The following NRXN1 variants were observed in gnomAD, a reference collection of about 807,000 sequenced individuals.
NRXN1 encodes neurexin-1.
NRXN1 carries 39 observed loss-of-function variants against 150.9 expected under a neutral mutation model. The observed-to-expected ratio is 0.26, with a 90% CI of 0.20 to 0.34. The LOEUF (loss-of-function observed/expected upper bound fraction) is 0.34, where lower values mean the gene tolerates loss of function less well. NRXN1 is among the 10% of genes least tolerant of loss of function. The probability of loss-of-function intolerance (pLI) is 1.00; values close to 1 mark genes in which losing one functional copy is unlikely to be tolerated. For missense variants in NRXN1, 1,815 were observed against 1,949.9 expected (o/e 0.93, Z 1.30); for synonymous variants, 924 against 757.0 (o/e 1.22, Z -3.62).
intron 17 of NRXN1, among the ~76,000 whole-genome samples, chr2:50,352,812 A>G (rs1279961768): frequency 6.7e-6 from 1 of 149,670 alleles, no homozygotes; most frequent in African/African-American, 2.4e-5. Flanking sequence ...TAATAATGCC[A>G]GGCTAAAAGC....
chr2:50,634,653 T>C (rs1682958185), intron 5 of NRXN1, among the ~76,000 whole-genome samples: 1 of 152,170 alleles, frequency 6.6e-6, no homozygotes, highest in African/African-American at 2.4e-5. Flanking sequence ...TTTTAAAAGT[T>C]TGGGCTAATT....
chr2:50,467,911 T>C (rs1328313114), intron 16 of NRXN1, among the ~76,000 whole-genome samples: 1 of 151,584 alleles, frequency 6.6e-6, no homozygotes, highest in African/African-American at 2.4e-5. Context: ...AATTGCTTAG[T>C]TTTAATTTTT....
chr2:50,412,997 G>C (rs530143627), intron 17 of NRXN1, among the ~76,000 whole-genome samples: 1 of 152,168 alleles, frequency 6.6e-6, no homozygotes, highest in South Asian at 2.1e-4. Context: ...AAAACACTGG[G>C]GAAAATCTCC....
chr2:50,137,209 A>C (rs1706550956), intron 18 of NRXN1, among the ~76,000 whole-genome samples: 1 of 152,184 alleles, frequency 6.6e-6, no homozygotes, highest in Non-Finnish European at 1.5e-5. Flanking sequence ...TAATATATAA[A>C]AATATTATTT....
At chr2:50,991,091 G>C (rs757895891) in intron 2 of NRXN1, among the ~76,000 whole-genome samples, 22 of 152,164 alleles carry the variant, frequency 1.4e-4, no homozygotes, top group Non-Finnish European at 2.5e-4. Context: ...TAGTAAATGA[G>C]ACAGACTTAG....
chr2:50,978,093 C>A (rs2104849490), intron 2 of NRXN1, among the ~76,000 whole-genome samples: 1 of 150,856 alleles, frequency 6.6e-6, no homozygotes, highest in South Asian at 2.1e-4. Flanking sequence ...GTGATCTATA[C>A]ATTTTAAATA....
chr2:50,207,824 G>A (rs1574495752), intron 18 of NRXN1: 1 of 159,910 alleles, frequency 6.3e-6, no homozygotes, highest in East Asian at 1.9e-4. Context: ...AAAGTTTACA[G>A]CTTTTTGGCC....
chr2:50,703,589 A>G (rs771994144), intron 5 of NRXN1, among the ~76,000 whole-genome samples: 3 of 152,180 alleles, frequency 2.0e-5, no homozygotes, highest in Non-Finnish European at 4.4e-5. Context: ...GCCCTGCCTC[A>G]GTAGAGAAAC....
rs553746980 is a variant in NRXN1, at chr2:50,925,707, T to C, written c.790+231A>G. On this transcript the variant is annotated intron_variant, in intron 3 of 22. Transcript: ENST00000401669. ...TGTAATAACTATTCTAAGCTTCATA[T>C]GGGATGCTGAGGTCTAACAAGGGTT... Among the ~76,000 whole-genome samples, 5 of 152,018 alleles carry C rather than the reference T, an allele frequency of 3.3e-5. No homozygotes were observed. In the South Asian group the frequency reaches 8.3e-4, roughly 25 times the overall value.
At chr2:50,402,045 C>G (rs185343361) in intron 17 of NRXN1, among the ~76,000 whole-genome samples, 2 of 152,156 alleles carry the variant, frequency 1.3e-5, no homozygotes, top group African/African-American at 2.4e-5. Flanking sequence ...AGAACAGCAG[C>G]CTTTTATTCT....
chr2:50,713,306 T>A (rs1444726119), intron 5 of NRXN1, among the ~76,000 whole-genome samples: 4 of 127,812 alleles, frequency 3.1e-5, no homozygotes, highest in Non-Finnish European at 4.8e-5. Flanking sequence ...AGAGTGAGAC[T>A]CTGTCTCAAA....
intron 18 of NRXN1, among the ~76,000 whole-genome samples, chr2:50,148,080 A>G (rs1446710532): frequency 6.6e-6 from 1 of 151,734 alleles, no homozygotes; most frequent in Non-Finnish European, 1.5e-5. Flanking sequence ...TCTCACATCC[A>G]TCTTAATAAT....
chr2:50,425,155 T>G (rs1404686731), intron 17 of NRXN1, among the ~76,000 whole-genome samples: 1 of 152,202 alleles, frequency 6.6e-6, no homozygotes, highest in Non-Finnish European at 1.5e-5. Flanking sequence ...AACTCTTTTG[T>G]GATAAAGTAT....
chr2:50,416,943 A>G (rs1029190777), intron 17 of NRXN1: 1 of 152,156 alleles, frequency 6.6e-6, no homozygotes. Context: ...TTTTTCAGAA[A>G]GTTATATTTT....
intron 17 of NRXN1, among the ~76,000 whole-genome samples, chr2:50,429,596 T>C (rs531153028): frequency 3.9e-5 from 6 of 152,230 alleles, no homozygotes; most frequent in Admixed American, 3.9e-4. Context: ...AAAATAAAAA[T>C]AGATCCAAGA....
intron 8 of NRXN1, among the ~76,000 whole-genome samples, chr2:50,555,767 C>G (rs1441346810): frequency 6.6e-6 from 1 of 152,116 alleles, no homozygotes; most frequent in Non-Finnish European, 1.5e-5. Context: ...ATCTCATAAA[C>G]TAATTACTAT....
intron 5 of NRXN1, chr2:50,919,280 C>T (rs1574930092): frequency 6.6e-6 from 1 of 151,704 alleles, no homozygotes; most frequent in Non-Finnish European, 1.5e-5. Flanking sequence ...TGTAAGGACA[C>T]ATCACAAAGT....
At chr2:50,770,196 T>C (rs970235720) in intron 5 of NRXN1, among the ~76,000 whole-genome samples, 1 of 152,106 alleles carries the variant, frequency 6.6e-6, no homozygotes, top group Non-Finnish European at 1.5e-5. Context: ...TCTATAAATG[T>C]TTAAGACAAT....
chr2:50,070,008 A>G (rs1359987252), intron 19 of NRXN1, among the ~76,000 whole-genome samples: 2 of 151,176 alleles, frequency 1.3e-5, no homozygotes, highest in African/African-American at 2.4e-5. Context: ...CCGCCACCAC[A>G]CCCACCTAAT....
Sources: allele counts gnomAD v4.1 joint callset (sites outside exome capture counted in the v4.1 genomes callset), GRCh38; gene constraint gnomAD v4.1.1; transcripts MANE v1.5; gene names NCBI Gene and HGNC (gene_info 2026-07-23, HGNC 2026-07-21).